The following PIPOX variants were observed in gnomAD, a reference collection of about 807,000 sequenced individuals.
PIPOX encodes pipecolic acid and sarcosine oxidase, also known as peroxisomal sarcosine oxidase.
Under a neutral mutation model 47.9 loss-of-function variants are expected in PIPOX, and 45 were observed. The observed-to-expected ratio is 0.94, with a 90% CI of 0.74 to 1.20. PIPOX has a LOEUF of 1.20. Ranked by LOEUF, PIPOX falls within the 50% of genes most tolerant of loss-of-function variation. The pLI is 0.00. For missense variants in PIPOX, 458 were observed against 498.4 expected, an observed-to-expected ratio of 0.92 and a Z score of 0.77; for synonymous variants, 165 against 191.3, an observed-to-expected ratio of 0.86 and a Z score of 1.13.
At position 29,053,131 on chromosome 17, in the gene PIPOX, C is replaced by T. The variant is rs780825113; in HGVS notation, c.475C>T (p.Gln159Ter). The change falls in exon 3 of 8, where the codon CAG becomes TAG. Residue 159 changes from glutamine (Q) to a stop codon, truncating the protein, a stop_gained and splice_region_variant. Transcript: ENST00000323372. LOFTEE classifies it high-confidence loss of function. ...IYAYKALRAL[Q>*]DAIRQLGGIV... is the part of the protein sequence containing the mutation. ...TGCATATAAGGCCCTCAGAGCCCTG[C>T]AGGTAATGTCGTATAGCACTGGGGC... 3 of 1,613,258 alleles carry T rather than the reference C, an allele frequency of 1.9e-6. No individual in the cohort carries two copies. The highest frequency in any genetic ancestry group is 2.5e-6 in the Non-Finnish European group (3 of 1,179,372).
rs2065812139 is a variant in PIPOX, at chr17:29,052,975, C to T, written c.319C>T (p.Gln107Ter). 1 of 1,614,112 alleles carries T rather than the reference C, an allele frequency of 6.2e-7. No individual in the cohort carries two copies. The highest frequency in any genetic ancestry group is 8.5e-7 in the Non-Finnish European group (1 of 1,180,042). Residue 107 changes from glutamine (Q) to a stop codon, truncating the protein, a stop_gained, in exon 3 of 8, where the codon CAG becomes TAG. Transcript: ENST00000323372. LOFTEE classifies it high-confidence loss of function. ...MKENQELKTI[Q>*]ANLSRQRVEH... ...AGAGAATCAAGAATTAAAGACAATCCAGGCCAATCTGTCGAGGCAGAGGGT... is the reference window on the plus strand; with the variant it reads ...AGAGAATCAAGAATTAAAGACAATCTAGGCCAATCTGTCGAGGCAGAGGGT...
At chr17:29,055,974 GC>G in intron 7 of PIPOX, 86 bp downstream of exon 7, 1 of 1,358,798 alleles carries the variant, frequency 7.4e-7, no homozygotes, top group Non-Finnish European at 1.1e-6. Flanking sequence ...ACTCTTAGCT[GC>G]CCAGATAGGT....
chr17:29,055,667 G>A, intron 6 of PIPOX, 146 bp from the exon 7 acceptor site: 1 of 719,446 alleles, frequency 1.4e-6, no homozygotes, highest in Non-Finnish European at 2.5e-6. Flanking sequence ...CACACCCAGA[G>A]GGGCACGGGC....
At chr17:29,055,291 G>GCA in intron 6 of PIPOX, 70 bp downstream of exon 6, 1 of 1,569,164 alleles carries the variant, frequency 6.4e-7, no homozygotes, top group East Asian at 2.2e-5. Context: ...GACAGACCTT[G>GCA]CACTGGCCAG....
intron 2 of PIPOX, among the ~76,000 whole-genome samples, chr17:29,051,072 G>C (rs1235121390): frequency 6.6e-6 from 1 of 151,970 alleles, no homozygotes; most frequent in African/African-American, 2.4e-5. Context: ...AGTGACCTGA[G>C]ATCGCACCAC....
chr17:29,045,279 G>A (rs765931755), intron 2 of PIPOX, among the ~76,000 whole-genome samples: 11 of 152,194 alleles, frequency 7.2e-5, no homozygotes, highest in African/African-American at 1.9e-4. Flanking sequence ...GCAAGGCACC[G>A]TGTGGCAGAT....
intron 2 of PIPOX, among the ~76,000 whole-genome samples, chr17:29,047,102 C>T (rs2065788312): frequency 6.6e-6 from 1 of 152,154 alleles, no homozygotes; most frequent in African/African-American, 2.4e-5. Context: ...GCCTGGCCAA[C>T]ATGGTGAAAC....
At chr17:29,043,604 C>T (rs146273815) in intron 1 of PIPOX, among the ~76,000 whole-genome samples, 1 of 152,142 alleles carries the variant, frequency 6.6e-6, no homozygotes, top group Non-Finnish European at 1.5e-5. Flanking sequence ...CGTCCTAGGC[C>T]CTGTTCTCTT....
chr17:29,055,342 C>T, intron 6 of PIPOX, 121 bp downstream of exon 6: 1 of 1,139,608 alleles, frequency 8.8e-7, no homozygotes, highest in Non-Finnish European at 1.3e-6. Context: ...TGACTTTAAA[C>T]AAACGGGCTC....
chr17:29,044,884 G>C lies in PIPOX; in HGVS notation c.140G>C (p.Ser47Thr). 6.2e-7 allele frequency: 1 copy of C among 1,613,380 alleles called. No homozygotes were observed. The highest frequency in any genetic ancestry group is 8.5e-7 in the Non-Finnish European group (1 of 1,179,764). The change falls in exon 2 of 8, where the codon AGC (serine) becomes ACC (threonine). Residue 47 changes from serine (S) to threonine (T), a missense_variant. Physicochemically the swap from Ser to Thr is moderately conservative, Grantham distance 58. Coordinates refer to ENST00000323372, the MANE Select transcript of PIPOX (RefSeq NM_016518.3). ...TTCTTTCTACCACACTCCCGAGGAA[G>C]CTCCCATGGACAAAGCCGGATAATC... is the stretch of plus-strand genomic sequence containing the variant. The part of the protein sequence containing the change: ...EQFFLPHSRG[S>T]SHGQSRIIRK...
chr17:29,043,184 C>G lies in PIPOX; in HGVS notation c.-42C>G. 6.7e-7 allele frequency: 1 copy of G among 1,501,240 alleles called. No individual in the cohort carries two copies. The highest frequency in any genetic ancestry group is 1.2e-5 in the South Asian group (1 of 86,622). 93.0% of individuals were successfully genotyped at this position (1,501,240 alleles called of 1,614,324 possible). A position where few individuals can be genotyped will look rare whatever the true frequency, so the allele number is the denominator to read the frequency against. On this transcript the variant is annotated 5_prime_UTR_variant, in exon 1 of 8. Coordinates refer to ENST00000323372, the MANE Select transcript of PIPOX (RefSeq NM_016518.3). ...TAGCCGGGAGCCTGTCTTTGCTTGC[C>G]TTTGCCTTTGAGGCTCTGTGGCTGT...
intron 6 of PIPOX, 75 bp from the exon 7 acceptor site, chr17:29,055,738 C>T (rs1282671801): frequency 8.1e-7 from 1 of 1,237,614 alleles, no homozygotes; most frequent in African/African-American, 1.5e-5. Context: ...AGCCCATCCC[C>T]TTCCAGTTAG....
At chr17:29,054,487 C>A in intron 4 of PIPOX, 58 bp from the exon 5 acceptor site, 2 of 1,593,798 alleles carry the variant, frequency 1.3e-6, no homozygotes, top group Non-Finnish European at 1.7e-6. Flanking sequence ...AAACTGCTTT[C>A]ATTGCTGTAG....
Position 29,054,528 on chromosome 17 carries a change from C to G in PIPOX, c.661-17C>G, listed in dbSNP as rs1365827544. 1 of 1,612,444 alleles carries G rather than the reference C, an allele frequency of 6.2e-7. No homozygotes were observed. Among genetic ancestry groups the G allele is most frequent in the Admixed American group, 1.7e-5 (1 of 59,994 alleles). On this transcript the variant is annotated splice_polypyrimidine_tract_variant and intron_variant, in intron 4 of 7. Transcript: ENST00000323372. Reference sequence around the variant, plus strand: ...CATGGCTTTTCTTCATTTCCCACTTCCTCTCCCTGCCTCAAGACCCTGCGG... The same window carrying G: ...CATGGCTTTTCTTCATTTCCCACTTGCTCTCCCTGCCTCAAGACCCTGCGG...
chr17:29,046,803 T>G, intron 2 of PIPOX: 42 of 957,846 alleles, frequency 4.4e-5, no homozygotes, highest in African/African-American at 7.0e-5. Context: ...ATCTCAGCTC[T>G]GACACGCTCA....
At chr17:29,050,896 C>G (rs1215571206) in intron 2 of PIPOX, among the ~76,000 whole-genome samples, 1 of 151,600 alleles carries the variant, frequency 6.6e-6, no homozygotes, top group Non-Finnish European at 1.5e-5. Flanking sequence ...AATCTCAGCA[C>G]TTTGTGAGGC....
intron 4 of PIPOX, 74 bp downstream of exon 4, chr17:29,053,669 CTGG>C: frequency 8.6e-7 from 1 of 1,157,762 alleles, no homozygotes; most frequent in Non-Finnish European, 1.2e-6. Flanking sequence ...AATTTGAGTC[CTGG>C]ATCTGCCTCT....
chr17:29,046,731 A>T (rs1447878967), intron 2 of PIPOX: 1 of 985,240 alleles, frequency 1.0e-6, no homozygotes, highest in Admixed American at 6.1e-5. Context: ...GAAGCGCACA[A>T]TCCTCCTCTT....
chr17:29,045,120 G>A, intron 2 of PIPOX, 113 bp downstream of exon 2: 3 of 1,183,652 alleles, frequency 2.5e-6, no homozygotes, highest in African/African-American at 1.5e-5. Context: ...GGGACACAAG[G>A]CCTCAAGAAG....
Sources: gnomAD v4.1 joint callset for allele counts (sites outside exome capture counted in the v4.1 genomes callset) on GRCh38, gnomAD v4.1.1 for gene constraint, MANE v1.5 for transcripts, NCBI Gene and HGNC (gene_info 2026-07-23, HGNC 2026-07-21) for gene names.